SNTB1: variants seen among roughly 807,000 people sequenced by gnomAD.
The protein encoded by SNTB1 is beta-1-syntrophin.
In SNTB1, 36 loss-of-function variants were observed where a neutral mutation model predicts 48.9. That is an observed-to-expected ratio of 0.74 (90% confidence interval 0.56 to 0.97). The LOEUF is 0.97. Among genes scored for constraint, SNTB1 ranks in the 50% least tolerant of loss-of-function variants. The pLI is 0.00. For synonymous variants in SNTB1, 299 were observed against 294.6 expected (o/e 1.01, Z -0.15); for missense variants, 786 against 703.4 (o/e 1.12, Z -1.33).
chr8:120,725,798 TA>T (rs1818745660), intron 1 of SNTB1, among the ~76,000 whole-genome samples: 1 of 152,200 alleles, frequency 6.6e-6, no homozygotes, highest in Non-Finnish European at 1.5e-5. Flanking sequence ...TCTGTATTCT[TA>T]CCTTAAGGCA....
rs564004301 is a variant in SNTB1, at chr8:120,598,060, G to A, written c.997-22835C>T. 5.3e-5 allele frequency among the ~76,000 whole-genome samples: 8 copies of A among 152,220 alleles called. No homozygotes were observed. The South Asian group carries it at 1.0e-3, about 20-fold the overall frequency. On this transcript the variant is annotated intron_variant, in intron 3 of 6. Coordinates refer to ENST00000517992, the MANE Select transcript of SNTB1 (RefSeq NM_021021.4). The stretch of plus-strand genomic sequence containing the variant: ...GGGGATGGGAAGATGCTTTGCTGGC[G>A]CTTATTCTGCTCACTGGGAAAACTA...
chr8:120,546,544 T>G (rs1249118236), intron 5 of SNTB1, among the ~76,000 whole-genome samples: 1 of 152,168 alleles, frequency 6.6e-6, no homozygotes, highest in South Asian at 2.1e-4. Flanking sequence ...GGCATGATTT[T>G]GGCTCACTGC....
At position 120,540,276 on chromosome 8, in the gene SNTB1, C is replaced by T. The variant is rs538544271; in HGVS notation, c.1525-1307G>A. 7.2e-5 allele frequency among the ~76,000 whole-genome samples: 11 copies of T among 152,254 alleles called. No homozygotes were observed. The South Asian group carries it at 2.3e-3, about 32-fold the overall frequency. On this transcript the variant is annotated intron_variant, in intron 6 of 6. Coordinates refer to ENST00000517992, the MANE Select transcript of SNTB1 (RefSeq NM_021021.4). ...CACTGGGAAGGTCTGTGGCCCACCT[C>T]CAGGATTGCTTAAACAGACATAGGG... is the stretch of plus-strand genomic sequence containing the variant.
intron 2 of SNTB1, among the ~76,000 whole-genome samples, chr8:120,669,607 C>A (rs1454162451): frequency 2.3e-5 from 2 of 88,412 alleles, no homozygotes; most frequent in East Asian, 5.0e-4. Context: ...CGCCTGCCAC[C>A]GCGCCCGGCT....
chr8:120,691,325 A>T (rs1221540805), intron 2 of SNTB1, among the ~76,000 whole-genome samples: 1 of 152,166 alleles, frequency 6.6e-6, no homozygotes, highest in Non-Finnish European at 1.5e-5. Flanking sequence ...TGACACTGTC[A>T]CCCATTTTAT....
At chr8:120,690,587 C>T (rs1249507557) in intron 2 of SNTB1, among the ~76,000 whole-genome samples, 1 of 152,152 alleles carries the variant, frequency 6.6e-6, no homozygotes, top group Non-Finnish European at 1.5e-5. Context: ...CTGCATTTTA[C>T]CTTGTCTTAT....
intron 1 of SNTB1, among the ~76,000 whole-genome samples, chr8:120,796,664 T>C (rs1160185146): frequency 6.6e-6 from 1 of 152,038 alleles, no homozygotes; most frequent in African/African-American, 2.4e-5. Context: ...GAAAGCATGC[T>C]GTTTTCACAC....
At chr8:120,790,269 T>C (rs866492172) in intron 1 of SNTB1, among the ~76,000 whole-genome samples, 12 of 151,788 alleles carry the variant, frequency 7.9e-5, no homozygotes, top group Non-Finnish European at 1.5e-4. Context: ...GACAAACCCA[T>C]AGCCAACATC....
intron 3 of SNTB1, among the ~76,000 whole-genome samples, chr8:120,606,185 T>C (rs1816513861): frequency 7.0e-6 from 1 of 142,478 alleles, no homozygotes; most frequent in South Asian, 2.1e-4. Context: ...TATATATAAT[T>C]ATATATATCA....
chr8:120,567,404 A>AG (rs1458444810), intron 4 of SNTB1, among the ~76,000 whole-genome samples: 16 of 140,116 alleles, frequency 1.1e-4, no homozygotes, highest in African/African-American at 3.4e-4. Flanking sequence ...ACTTCATTAC[A>AG]GGGTTGAGCT....
intron 2 of SNTB1, among the ~76,000 whole-genome samples, chr8:120,687,469 G>A (rs916168752): frequency 2.6e-5 from 4 of 152,206 alleles, no homozygotes; most frequent in Non-Finnish European, 5.9e-5. Flanking sequence ...GAGTGGGAGT[G>A]TTGGCAAAGC....
chr8:120,639,145 A>T (rs1311665561), intron 2 of SNTB1, among the ~76,000 whole-genome samples: 1 of 152,196 alleles, frequency 6.6e-6, no homozygotes, highest in Non-Finnish European at 1.5e-5. Flanking sequence ...ATGGCCAGTG[A>T]TGATGAGCAT....
intron 3 of SNTB1, among the ~76,000 whole-genome samples, chr8:120,576,115 T>C (rs1815946703): frequency 6.6e-6 from 1 of 152,194 alleles, no homozygotes; most frequent in Non-Finnish European, 1.5e-5. Flanking sequence ...TCAGCATCAT[T>C]TGGGAGCTTG....
chr8:120,614,586 G>T (rs556917172), intron 3 of SNTB1, among the ~76,000 whole-genome samples: 1 of 152,154 alleles, frequency 6.6e-6, no homozygotes, highest in Non-Finnish European at 1.5e-5. Flanking sequence ...TGTGCCTGTG[G>T]TCAATGCCAC....
intron 1 of SNTB1, among the ~76,000 whole-genome samples, chr8:120,726,143 AG>A (rs1473079179): frequency 1.3e-5 from 2 of 152,204 alleles, no homozygotes. Flanking sequence ...GTGCCGTATA[AG>A]CAAAACTATT....
rs936404671 is a variant in SNTB1, at chr8:120,541,981, C to T, written c.1353G>A (p.Gln451=). 1 of 1,613,394 alleles carries T rather than the reference C, an allele frequency of 6.2e-7. No homozygotes were observed. Among genetic ancestry groups the T allele is most frequent in the Non-Finnish European group, 8.5e-7 (1 of 1,179,752 alleles). The change falls in exon 6 of 7, where the codon CAG becomes CAA. Residue 451 remains glutamine, a synonymous_variant. Transcript: ENST00000517992. The part of the protein sequence containing the change: ...EISTACTYKN[Q]ECRLTIHYEN... ...CATAATGTATGGTCAAACGGCACTC[C>T]TGGTTTTTGTAGGTGCAAGCTGAGA...
intron 2 of SNTB1, among the ~76,000 whole-genome samples, chr8:120,667,739 C>G (rs1817697268): frequency 6.6e-6 from 1 of 152,062 alleles, no homozygotes; most frequent in South Asian, 2.1e-4. Context: ...TAAAACTATT[C>G]ATCAGTGTTT....
chr8:120,554,837 T>C (rs543824875), intron 4 of SNTB1, among the ~76,000 whole-genome samples: 6 of 152,128 alleles, frequency 3.9e-5, no homozygotes, highest in Non-Finnish European at 8.8e-5. Flanking sequence ...ATAGCAAAGA[T>C]GCTGAGACCC....
At chr8:120,649,660 G>T (rs1817372150) in intron 2 of SNTB1, among the ~76,000 whole-genome samples, 1 of 151,156 alleles carries the variant, frequency 6.6e-6, no homozygotes, top group Admixed American at 6.6e-5. Context: ...GCCTACAGAG[G>T]CAGGCAGGCC....
Sources: gnomAD v4.1 joint callset for allele counts (sites outside exome capture counted in the v4.1 genomes callset) on GRCh38, gnomAD v4.1.1 for gene constraint, MANE v1.5 for transcripts, NCBI Gene and HGNC (gene_info 2026-07-23, HGNC 2026-07-21) for gene names.